Variants in KIF14 observed in about 807,000 individuals in gnomAD.
The protein encoded by KIF14 is kinesin family member 14, also known as kinesin-like protein KIF14.
In KIF14, 98 loss-of-function variants were observed where a neutral mutation model predicts 176.2. The ratio of observed to expected loss-of-function variants is 0.56; its 90% CI spans 0.47 to 0.66. The LOEUF is 0.66. Among genes scored for constraint, KIF14 ranks in the 30% least tolerant of loss-of-function variants. The pLI, the probability that KIF14 is intolerant of heterozygous loss-of-function variation, is 0.00. For missense variants in KIF14, 1,751 were observed against 1,920.4 expected (o/e 0.91, Z 1.65); for synonymous variants, 566 against 632.2 (o/e 0.90, Z 1.57).
Position 200,580,350 on chromosome 1 carries a change from A to T in KIF14, c.3369T>A (p.Thr1123=). ...HDISDKSSSD[T]SIRVRNLKLG... ...GTTTCAGGTTACGAACCCGAATAGA[A>T]GTGTCAGAACTACTTTTATCTGATA... The change falls in exon 21 of 30, where the codon ACT becomes ACA. Residue 1123 remains threonine (T), a synonymous_variant. Coordinates refer to ENST00000367350, the MANE Select transcript of KIF14 (RefSeq NM_014875.3). 2.0e-6 allele frequency: 3 copies of T among 1,523,820 alleles called. No individual in the cohort carries two copies. The highest frequency in any genetic ancestry group is 2.7e-6 in the Non-Finnish European group (3 of 1,130,438). The allele number at this position is 1,523,820 out of a possible 1,614,324, so 94.4% of individuals were successfully genotyped here. A position where few individuals can be genotyped will look rare whatever the true frequency, so the allele number is the denominator to read the frequency against.
At chr1:200,609,896 T>G (rs1175799597) in intron 4 of KIF14, among the ~76,000 whole-genome samples, 1 of 152,234 alleles carries the variant, frequency 6.6e-6, no homozygotes, top group Non-Finnish European at 1.5e-5. Flanking sequence ...TGTGCTACAA[T>G]GTAGATGAAC....
chr1:200,584,201 A>G (rs1658615071), intron 19 of KIF14, among the ~76,000 whole-genome samples: 1 of 129,202 alleles, frequency 7.7e-6, no homozygotes, highest in African/African-American at 3.0e-5. Context: ...CTGCCAACAC[A>G]TAAGACTCTG....
At chr1:200,609,076 C>T in intron 4 of KIF14, 148 bp from the exon 5 acceptor site, 1 of 483,506 alleles carries the variant, frequency 2.1e-6, no homozygotes, top group Non-Finnish European at 3.7e-6. Context: ...TTTTAAAATG[C>T]ACAAAGGACT....
chr1:200,586,816 T>TATATATATATATATATAC, intron 18 of KIF14, among the ~76,000 whole-genome samples: 1 of 138,268 alleles, frequency 7.2e-6, no homozygotes, highest in South Asian at 2.3e-4. Flanking sequence ...TATATATATA[T>TATATATATATATATATAC]ACACCATGAA....
At position 200,617,530 on chromosome 1, in the gene KIF14, A is replaced by G. The variant is rs1571576704; in HGVS notation, c.1112+82T>C. The G allele has an allele frequency of 2.2e-6, 3 of 1,369,922 alleles. No homozygotes were observed. The East Asian group carries it at 6.9e-5, about 32-fold the overall frequency. The allele number at this position is 1,369,922 out of a possible 1,614,324, so 84.9% of individuals were successfully genotyped here. On this transcript the variant is annotated intron_variant, in intron 2 of 29. Coordinates refer to ENST00000367350, the MANE Select transcript of KIF14 (RefSeq NM_014875.3). ...AACAAGTTTGAAGATGCACGAATAC[A>G]CTGACCTTCCAAAGGCAGAGAGGAA...
rs1178730217 is a variant in KIF14 at position 200,598,370 on chromosome 1, G to C, written c.2416C>G (p.Leu806Val). The C allele has an allele frequency of 6.2e-7, 1 of 1,611,396 alleles. No homozygotes were observed. The highest frequency in any genetic ancestry group is 1.7e-5 in the Admixed American group (1 of 59,628). ...TCAGATAGTTGTGGATCTTCATTCAGATTAACAAGGTTTGGTAAATGATTG... is the reference window on the plus strand; with the variant it reads ...TCAGATAGTTGTGGATCTTCATTCACATTAACAAGGTTTGGTAAATGATTG... The part of the protein sequence containing the change: ...MDNHLPNLVN[L>V]NEDPQLSEML... Residue 806 changes from leucine (L) to valine (V), a missense_variant, in exon 14 of 30, where the codon CTG becomes GTG. Physicochemically the swap from Leu to Val is conservative, Grantham distance 32. Transcript: ENST00000367350.
chr1:200,555,439 T>C lies in KIF14; in HGVS notation c.4369A>G (p.Lys1457Glu), dbSNP rs764560344. ...CTAATCAATCCCATGGCATTAGTTTTCATTTCTTTGGTAACCTATAGAGAA... is the reference window on the plus strand; with the variant it reads ...CTAATCAATCCCATGGCATTAGTTTCCATTTCTTTGGTAACCTATAGAGAA... ...CTKNEVTKEMKTNAMGLIRSL... is the reference protein window; with the variant it reads ...CTKNEVTKEMETNAMGLIRSL... Residue 1457 changes from lysine to glutamate, a missense_variant, in exon 28 of 30, where the codon AAA becomes GAA. Transcript: ENST00000367350. The C allele has an allele frequency of 1.5e-5, 23 of 1,566,992 alleles. No homozygotes were observed. The highest frequency in any genetic ancestry group is 1.8e-5 in the Non-Finnish European group (21 of 1,152,000).
chr1:200,591,933 G>C (rs115957402), intron 16 of KIF14, 147 bp downstream of exon 16: 16,285 of 597,590 alleles, frequency 0.027, 304 homozygotes, highest in Middle Eastern at 0.051. Flanking sequence ...TATATATTTG[G>C]TGAACTAATG....
chr1:200,586,143 T>C lies in KIF14; in HGVS notation c.3199A>G (p.Ile1067Val). The change falls in exon 19 of 30, where the codon ATT becomes GTT. Residue 1067 changes from isoleucine to valine, a missense_variant. Transcript: ENST00000367350. The part of the protein sequence containing the change: ...EKQKIAKEVQ[I>V]LQQNRNNRDK... The stretch of plus-strand genomic sequence containing the variant: ...CTATTATTCCGATTCTGCTGTAGAA[T>C]TTGTACTTCTTTAGCAATTTTTTGC... 6.2e-7 allele frequency: 1 copy of C among 1,600,940 alleles called. No homozygotes were observed. The highest frequency in any genetic ancestry group is 8.5e-7 in the Non-Finnish European group (1 of 1,171,464).
At chr1:200,602,157 TA>T in intron 10 of KIF14, 89 bp from the exon 11 acceptor site, 5 of 996,052 alleles carry the variant, frequency 5.0e-6, no homozygotes, top group Non-Finnish European at 7.4e-6. Context: ...TAATAGGGTA[TA>T]TAATACAGTA....
intron 27 of KIF14, among the ~76,000 whole-genome samples, chr1:200,557,360 A>G (rs1390485030): frequency 6.6e-6 from 1 of 152,230 alleles, no homozygotes; most frequent in Non-Finnish European, 1.5e-5. Context: ...ATATGTTGAG[A>G]AAAAGAGAAC....
chr1:200,607,516 T>C (rs987540909), intron 5 of KIF14, among the ~76,000 whole-genome samples: 2 of 152,214 alleles, frequency 1.3e-5, no homozygotes, highest in African/African-American at 2.4e-5. Flanking sequence ...TTAAATGCTC[T>C]CTAAAACATA....
At position 200,594,999 on chromosome 1, in the gene KIF14, A is replaced by G. The variant is rs780680155; in HGVS notation, c.2550-1230T>C. ...GGCCTACCATTCTGGACGCCCCACA[A>G]TCTGGCTTCAACCACCAACCTCCCT... On this transcript the variant is annotated intron_variant, in intron 14 of 29. Coordinates refer to ENST00000367350, the MANE Select transcript of KIF14 (RefSeq NM_014875.3). 6.9e-4 allele frequency among the ~76,000 whole-genome samples: 105 copies of G among 152,206 alleles called. 1 individual carries two copies. The highest frequency in any genetic ancestry group is 8.8e-4 in the Non-Finnish European group (60 of 68,012).
At chr1:200,557,492 C>G (rs562447041) in intron 27 of KIF14, among the ~76,000 whole-genome samples, 25 of 152,220 alleles carry the variant, frequency 1.6e-4, no homozygotes, top group Admixed American at 1.6e-3. Flanking sequence ...GTATGATCAT[C>G]CTCATTTAAA....
At chr1:200,570,638 G>C (rs1178333675) in intron 22 of KIF14, among the ~76,000 whole-genome samples, 1 of 152,206 alleles carries the variant, frequency 6.6e-6, no homozygotes, top group African/African-American at 2.4e-5. Flanking sequence ...ACAGGGGCCA[G>C]CTTGAGGTGG....
In KIF14 at chr1:200,570,023, A is replaced by G. The variant is rs1457106450; in HGVS notation, c.3567-18T>C. ...TCCTACTCCTGAAAAAAGACAAACCATAAGATTAGCAGTTCTATACCACAT... is the reference window on the plus strand; with the variant it reads ...TCCTACTCCTGAAAAAAGACAAACCGTAAGATTAGCAGTTCTATACCACAT... On this transcript the variant is annotated intron_variant, in intron 22 of 29. Coordinates refer to ENST00000367350, the MANE Select transcript of KIF14 (RefSeq NM_014875.3). 2.9e-6 allele frequency: 4 copies of G among 1,394,752 alleles called. No homozygotes were observed. The highest frequency in any genetic ancestry group is 2.3e-5 in the East Asian group (1 of 43,554). The allele number at this position is 1,394,752 out of a possible 1,614,324, so 86.4% of individuals were successfully genotyped here. A position where few individuals can be genotyped will look rare whatever the true frequency, so the allele number is the denominator to read the frequency against.
At chr1:200,555,733 A>C (rs529617993) in intron 27 of KIF14, among the ~76,000 whole-genome samples, 151 of 152,288 alleles carry the variant, frequency 9.9e-4, no homozygotes, top group Non-Finnish European at 1.9e-3. Context: ...TTACATAAAA[A>C]ATTTCAAGCT....
intron 20 of KIF14, 31 bp from the exon 21 acceptor site, chr1:200,580,414 T>A (rs1658380614): frequency 7.2e-7 from 1 of 1,393,168 alleles, no homozygotes; most frequent in Non-Finnish European, 9.5e-7. Flanking sequence ...AAAAAGCTTA[T>A]CCTGAAACAT....
intron 22 of KIF14, among the ~76,000 whole-genome samples, chr1:200,575,285 T>C (rs972138875): frequency 6.6e-6 from 1 of 152,122 alleles, no homozygotes. Flanking sequence ...TAATAAATAC[T>C]GTTCATTTTT....
Sources: gnomAD v4.1 joint callset for allele counts (sites outside exome capture counted in the v4.1 genomes callset) on GRCh38, gnomAD v4.1.1 for gene constraint, MANE v1.5 for transcripts, NCBI Gene and HGNC (gene_info 2026-07-23, HGNC 2026-07-21) for gene names.